The following RYR2 variants were observed in gnomAD, a reference collection of about 807,000 sequenced individuals.
RYR2 encodes the protein cardiac muscle ryanodine receptor-calcium release channel.
In RYR2, 227 loss-of-function variants were observed where a neutral mutation model predicts 601.1. That is an observed-to-expected ratio of 0.38 (90% CI 0.34 to 0.42). The LOEUF (loss-of-function observed/expected upper bound fraction) is 0.42. RYR2 is among the 10% of genes least tolerant of loss of function. The pLI is 1.00. For missense variants in RYR2, 4,646 were observed against 6,156.5 expected (o/e 0.75, Z 8.21); for synonymous variants, 2,223 against 2,175.1 (o/e 1.02, Z -0.61).
chr1:237,732,002 A>C (rs375978656), intron 77 of RYR2, 44 bp from the exon 78 acceptor site: 3 of 1,246,796 alleles, frequency 2.4e-6, no homozygotes, highest in African/African-American at 1.5e-5. Context: ...TTGAGTGAAC[A>C]TTTTTTTTTA....
intron 6 of RYR2, among the ~76,000 whole-genome samples, chr1:237,373,421 C>T (rs889090800): frequency 8.5e-5 from 13 of 152,208 alleles, no homozygotes; most frequent in Non-Finnish European, 1.8e-4. Flanking sequence ...CAGACACACA[C>T]CTAGCTGGAT....
chr1:237,550,949 C>A (rs545053985), intron 27 of RYR2, among the ~76,000 whole-genome samples: 1 of 152,188 alleles, frequency 6.6e-6, no homozygotes, highest in East Asian at 1.9e-4. Flanking sequence ...TCAGTAGGTA[C>A]CTCCCTGATT....
chr1:237,496,166 G>C (rs548566093), intron 19 of RYR2, among the ~76,000 whole-genome samples: 29 of 152,328 alleles, frequency 1.9e-4, no homozygotes, highest in African/African-American at 6.7e-4. Flanking sequence ...GCACTTGGGA[G>C]GTCGAGGCAG....
In RYR2 at chr1:237,602,081, T is replaced by C. The variant is rs759834317; in HGVS notation, c.4653T>C (p.Asn1551=). 7 of 1,613,042 alleles carry C rather than the reference T, an allele frequency of 4.3e-6. No homozygotes were observed. Among genetic ancestry groups the C allele is most frequent in the Middle Eastern group, 1.7e-4 (1 of 6,052 alleles). Residue 1551 remains asparagine (N), a synonymous_variant, in exon 35 of 105, where the codon AAT becomes AAC. Coordinates refer to ENST00000366574, the MANE Select transcript of RYR2 (RefSeq NM_001035.3). ...TTTTTGCACAAGCTACAAGTCCCAA[T>C]GTTTTCCAGTTTGAGTTGGGAAGAA... is the stretch of plus-strand genomic sequence containing the variant. ...PAVFAQATSP[N]VFQFELGRIK...
chr1:237,067,418 G>T (rs1278329958), intron 1 of RYR2, among the ~76,000 whole-genome samples: 2 of 152,016 alleles, frequency 1.3e-5, no homozygotes, highest in African/African-American at 4.8e-5. Flanking sequence ...CCATTGAATT[G>T]CTTTTGTACA....
chr1:237,273,856 T>G (rs945090515), intron 2 of RYR2, among the ~76,000 whole-genome samples: 15 of 148,264 alleles, frequency 1.0e-4, no homozygotes, highest in Admixed American at 4.1e-4. Flanking sequence ...TATTTATATA[T>G]TGTATATTTT....
chr1:237,591,099 C>T (rs1559077115), intron 31 of RYR2, 107 bp downstream of exon 31: 3 of 241,048 alleles, frequency 1.2e-5, no homozygotes, highest in African/African-American at 5.4e-5. Context: ...TCTCCTCCTC[C>T]TCCTCCTCCT....
intron 2 of RYR2, among the ~76,000 whole-genome samples, chr1:237,324,591 A>G (rs1178336416): frequency 1.3e-5 from 2 of 152,248 alleles, no homozygotes; most frequent in Non-Finnish European, 2.9e-5. Context: ...AGATAAAATT[A>G]TAACTTATTG....
intron 51 of RYR2, among the ~76,000 whole-genome samples, chr1:237,652,912 A>G (rs945497287): frequency 1.2e-4 from 19 of 152,186 alleles, no homozygotes; most frequent in Admixed American, 9.2e-4. Context: ...GGGAAAGTAA[A>G]TGAGTTGTAA....
In RYR2 at chr1:237,369,555, C is replaced by G. The variant is rs770848098; in HGVS notation, c.331C>G (p.Arg111Gly). The change falls in exon 6 of 105, where the codon CGA (arginine) becomes GGA (glycine). Residue 111 changes from arginine to glycine, a missense_variant. This residue lies in a region of RYR2 where 153 missense variants were observed against 203.6 expected (regional missense o/e 0.75). Transcript: ENST00000366574. ...AAAGACTGCTCAAGGTGGTGGTCAT[C>G]GAACACTCCTCTACGGACATGCCAT... ...MMKTAQGGGH[R>G]TLLYGHAILL... The G allele has an allele frequency of 1.3e-6, 2 of 1,564,298 alleles. No homozygotes were observed. The highest frequency in any genetic ancestry group is 1.2e-5 in the South Asian group (1 of 84,900).
intron 23 of RYR2, among the ~76,000 whole-genome samples, chr1:237,508,439 A>G (rs1250153390): frequency 1.4e-5 from 2 of 147,426 alleles, no homozygotes; most frequent in African/African-American, 4.9e-5. Context: ...GGCCAGGAAG[A>G]TTTTTTAAAA....
intron 6 of RYR2, 134 bp from the exon 7 acceptor site, chr1:237,374,583 A>G (rs1700879426): frequency 1.4e-6 from 1 of 693,582 alleles, no homozygotes; most frequent in African/African-American, 1.8e-5. Flanking sequence ...GCTTGAGCCC[A>G]GGAGGTTGAG....
chr1:237,396,340 G>A (rs879431178), intron 10 of RYR2, among the ~76,000 whole-genome samples: 4 of 152,200 alleles, frequency 2.6e-5, no homozygotes, highest in Non-Finnish European at 5.9e-5. Context: ...TACGGGAAGA[G>A]TCTCTGGACC....
chr1:237,691,447 A>G (rs1468694063), intron 63 of RYR2, among the ~76,000 whole-genome samples: 2 of 152,116 alleles, frequency 1.3e-5, no homozygotes, highest in Non-Finnish European at 2.9e-5. Flanking sequence ...CCACATTGTA[A>G]TTATATCTCC....
intron 24 of RYR2, among the ~76,000 whole-genome samples, chr1:237,523,949 G>A (rs1309328041): frequency 6.6e-6 from 1 of 152,156 alleles, no homozygotes; most frequent in African/African-American, 2.4e-5. Flanking sequence ...AAACCCACAT[G>A]TATTACTGCA....
At chr1:237,538,748 G>A (rs894737889) in intron 25 of RYR2, among the ~76,000 whole-genome samples, 2 of 150,146 alleles carry the variant, frequency 1.3e-5, no homozygotes, top group African/African-American at 2.5e-5. Context: ...TCCAGCCTGG[G>A]TGACAGAGTG....
intron 88 of RYR2, among the ~76,000 whole-genome samples, chr1:237,780,382 G>T (rs1387894023): frequency 1.3e-5 from 2 of 152,126 alleles, no homozygotes; most frequent in Non-Finnish European, 2.9e-5. Flanking sequence ...TTCCATCAGG[G>T]TATTAACATC....
intron 17 of RYR2, among the ~76,000 whole-genome samples, chr1:237,484,705 A>G (rs1662489114): frequency 6.6e-6 from 1 of 152,210 alleles, no homozygotes; most frequent in Non-Finnish European, 1.5e-5. Context: ...ACAATAGCAA[A>G]GTCAACTTTG....
intron 62 of RYR2, among the ~76,000 whole-genome samples, chr1:237,681,926 T>C (rs1685920211): frequency 6.6e-6 from 1 of 152,196 alleles, no homozygotes; most frequent in African/African-American, 2.4e-5. Flanking sequence ...CCTGGGTCTG[T>C]TAGCCTTTTT....
Sources: allele counts gnomAD v4.1 joint callset (sites outside exome capture counted in the v4.1 genomes callset), GRCh38; gene constraint gnomAD v4.1.1; regional missense constraint gnomAD v4.1.1; transcripts MANE v1.5; gene names NCBI Gene and HGNC (gene_info 2026-07-23, HGNC 2026-07-21).